PRDM5: variants seen among roughly 807,000 people sequenced by gnomAD.
PRDM5 encodes the protein PR domain zinc finger protein 5.
A neutral mutation model predicts 81.2 loss-of-function variants in PRDM5; 56 were observed. The ratio of observed to expected loss-of-function variants is 0.69; its 90% confidence interval spans 0.56 to 0.86. PRDM5 has a LOEUF of 0.86. PRDM5 is among the 40% of genes least tolerant of loss of function. PRDM5 has a pLI of 0.00. For synonymous variants in PRDM5, 267 were observed against 256.4 expected (o/e 1.04, Z -0.39); for missense variants, 697 against 770.1 (o/e 0.91, Z 1.12).
chr4:120,884,921 C>A (rs933572527), intron 2 of PRDM5, among the ~76,000 whole-genome samples: 2 of 151,550 alleles, frequency 1.3e-5, no homozygotes, highest in African/African-American at 4.8e-5. Context: ...CCCAGCGAGT[C>A]GGGTGGATCA....
At position 120,693,876 on chromosome 4, in the gene PRDM5, T is replaced by C. The variant is rs750140791; in HGVS notation, c.*1235A>G. The stretch of plus-strand genomic sequence containing the variant: ...ATCACTATTACATTGTATCATATCA[T>C]CTCTCCAAACAAGCTGTTCATTGTA... On this transcript the variant is annotated 3_prime_UTR_variant, in exon 16 of 16. Transcript: ENST00000264808. 7 of 152,268 alleles carry C rather than the reference T, an allele frequency of 4.6e-5. No individual in the cohort carries two copies. The highest frequency in any genetic ancestry group is 8.8e-5 in the Non-Finnish European group (6 of 68,008). The allele number at this position is 152,268 out of a possible 1,614,324, so 9.4% of individuals were successfully genotyped here.
intron 1 of PRDM5, among the ~76,000 whole-genome samples, chr4:120,686,252 A>T (rs1329347709): frequency 6.6e-6 from 1 of 152,106 alleles, no homozygotes; most frequent in Non-Finnish European, 1.5e-5. Flanking sequence ...TCAGGTATTT[A>T]TGACAATGCA....
At chr4:120,891,703 C>T (rs912794375) in intron 2 of PRDM5, among the ~76,000 whole-genome samples, 59 of 152,142 alleles carry the variant, frequency 3.9e-4, no homozygotes, top group African/African-American at 1.3e-3. Flanking sequence ...GTTCTCAGCT[C>T]GCCGCAACCT....
chr4:120,849,258 T>A (rs567208670), intron 3 of PRDM5, among the ~76,000 whole-genome samples: 4 of 152,306 alleles, frequency 2.6e-5, no homozygotes, highest in Non-Finnish European at 5.9e-5. Flanking sequence ...GATCCACATG[T>A]GATTTTCCAG....
chr4:120,869,776 G>A (rs530515339), intron 2 of PRDM5, among the ~76,000 whole-genome samples: 1 of 152,252 alleles, frequency 6.6e-6, no homozygotes, highest in East Asian at 1.9e-4. Context: ...ATTGAACAAG[G>A]TGTCTTTGAT....
chr4:120,766,981 C>T (rs575345514), intron 13 of PRDM5, among the ~76,000 whole-genome samples: 2 of 152,178 alleles, frequency 1.3e-5, no homozygotes, highest in East Asian at 3.9e-4. Flanking sequence ...AAAGTCTTGT[C>T]AGACTACAGA....
intron 11 of PRDM5, among the ~76,000 whole-genome samples, chr4:120,782,704 TTC>T (rs1561214124): frequency 6.6e-6 from 1 of 152,152 alleles, no homozygotes; most frequent in Non-Finnish European, 1.5e-5. Context: ...TATTTAAACA[TTC>T]TGTTTGTATA....
intron 14 of PRDM5, among the ~76,000 whole-genome samples, chr4:120,734,222 G>A (rs1430549742): frequency 6.6e-6 from 1 of 151,742 alleles, no homozygotes; most frequent in East Asian, 1.9e-4. Flanking sequence ...GAGAGGAGCC[G>A]CTGTAGGGGA....
At chr4:120,795,675 G>T (rs540475099) in intron 10 of PRDM5, among the ~76,000 whole-genome samples, 2 of 151,964 alleles carry the variant, frequency 1.3e-5, no homozygotes, top group Non-Finnish European at 2.9e-5. Flanking sequence ...CACTTTGGGA[G>T]GCCGAGGTAG....
intron 2 of PRDM5, among the ~76,000 whole-genome samples, chr4:120,862,342 C>A (rs952551609): frequency 6.6e-6 from 1 of 152,134 alleles, no homozygotes; most frequent in South Asian, 2.1e-4. Flanking sequence ...GCAGAAAACA[C>A]AATGTTTAAA....
intron 14 of PRDM5, among the ~76,000 whole-genome samples, chr4:120,746,185 G>A (rs1459276527): frequency 6.3e-5 from 3 of 47,494 alleles, no homozygotes; most frequent in Admixed American, 2.3e-4. Flanking sequence ...AATGGGGAAA[G>A]GATTCCCTAT....
chr4:120,834,325 G>A (rs1757091898), intron 3 of PRDM5, among the ~76,000 whole-genome samples: 1 of 152,096 alleles, frequency 6.6e-6, no homozygotes, highest in South Asian at 2.1e-4. Context: ...TCATGAGGAT[G>A]GATCCCTCAT....
chr4:120,918,576 T>C (rs1724492074), intron 1 of PRDM5, among the ~76,000 whole-genome samples: 1 of 152,124 alleles, frequency 6.6e-6, no homozygotes, highest in Non-Finnish European at 1.5e-5. Context: ...AAAATTTGAC[T>C]TTTGTTTTAA....
At chr4:120,773,369 T>G (rs1446614322) in intron 13 of PRDM5, among the ~76,000 whole-genome samples, 3 of 152,192 alleles carry the variant, frequency 2.0e-5, no homozygotes, top group Admixed American at 6.5e-5. Context: ...CCCAAGTGCT[T>G]GAAGGCTTCT....
chr4:120,725,669 A>C (rs551216638), intron 14 of PRDM5, among the ~76,000 whole-genome samples: 1 of 152,162 alleles, frequency 6.6e-6, no homozygotes, highest in East Asian at 1.9e-4. Context: ...TAACCCCTCC[A>C]TTTGGTGCAA....
intron 5 of PRDM5, among the ~76,000 whole-genome samples, chr4:120,817,623 G>A (rs1395452690): frequency 6.6e-6 from 1 of 152,070 alleles, no homozygotes; most frequent in African/African-American, 2.4e-5. Context: ...ATGTAAATAT[G>A]CTTTTAAATT....
chr4:120,780,789 T>A (rs1469071045), intron 12 of PRDM5, among the ~76,000 whole-genome samples: 1 of 152,138 alleles, frequency 6.6e-6, no homozygotes, highest in Non-Finnish European at 1.5e-5. Context: ...AATATAAAAT[T>A]ATTAAAGTAC....
At chr4:120,853,385 T>C in intron 3 of PRDM5, 33 bp downstream of exon 3, 1 of 1,613,408 alleles carries the variant, frequency 6.2e-7, no homozygotes. Context: ...CCCCTCACAG[T>C]GCATAGTACA....
intron 5 of PRDM5, 98 bp downstream of exon 5, chr4:120,818,249 CGCGCGT>C: frequency 1.6e-6 from 2 of 1,212,692 alleles, no homozygotes; most frequent in Non-Finnish European, 2.4e-6. Context: ...CATGCGCGTG[CGCGCGT>C]GCACACACAC....
Sources: gnomAD v4.1 joint callset for allele counts (sites outside exome capture counted in the v4.1 genomes callset) on GRCh38, gnomAD v4.1.1 for gene constraint, MANE v1.5 for transcripts, NCBI Gene and HGNC (gene_info 2026-07-23, HGNC 2026-07-21) for gene names.